The following NRXN1 variants were observed in gnomAD, a reference collection of about 807,000 sequenced individuals.
The protein encoded by NRXN1 is neurexin-1.
A neutral mutation model predicts 150.9 loss-of-function variants in NRXN1; 39 were observed. The observed-to-expected ratio is 0.26, with a 90% CI of 0.20 to 0.34. The LOEUF is 0.34. NRXN1 is among the 10% of genes least tolerant of loss of function. The probability of loss-of-function intolerance (pLI) is 1.00; values close to 1 mark genes in which losing one functional copy is unlikely to be tolerated. For missense variants in NRXN1, 1,815 were observed against 1,949.9 expected (o/e 0.93, Z 1.30); for synonymous variants, 924 against 757.0 (o/e 1.22, Z -3.62).
chr2:50,181,005 T>A (rs1013040933), intron 18 of NRXN1, among the ~76,000 whole-genome samples: 4 of 152,128 alleles, frequency 2.6e-5, no homozygotes, highest in African/African-American at 7.2e-5. Context: ...ATATTTGTGT[T>A]TTCCAATTTT....
chr2:50,608,068 G>A (rs976955414), intron 8 of NRXN1, among the ~76,000 whole-genome samples: 7 of 151,566 alleles, frequency 4.6e-5, no homozygotes, highest in Non-Finnish European at 1.0e-4. Flanking sequence ...GAGCTTCTGT[G>A]GGATCTTGAC....
chr2:50,612,925 G>T (rs1345846763), intron 8 of NRXN1, among the ~76,000 whole-genome samples: 1 of 152,126 alleles, frequency 6.6e-6, no homozygotes, highest in Non-Finnish European at 1.5e-5. Context: ...GGAGGCAAGG[G>T]TAATCGACCT....
At chr2:50,456,976 C>T (rs748777431) in intron 17 of NRXN1, among the ~76,000 whole-genome samples, 1 of 152,096 alleles carries the variant, frequency 6.6e-6, no homozygotes, top group Admixed American at 6.6e-5. Flanking sequence ...TCCCACTATA[C>T]AGATTGTGAA....
At chr2:50,058,272 T>G (rs1437738421) in intron 19 of NRXN1, among the ~76,000 whole-genome samples, 1 of 152,140 alleles carries the variant, frequency 6.6e-6, no homozygotes, top group South Asian at 2.1e-4. Flanking sequence ...ATAAAACAAT[T>G]TAGAAAATCG....
intron 5 of NRXN1, among the ~76,000 whole-genome samples, chr2:50,641,399 A>G (rs1040701701): frequency 7.9e-5 from 12 of 152,234 alleles, no homozygotes; most frequent in Middle Eastern, 3.4e-3. Flanking sequence ...CAGGTGGGTC[A>G]AGATTGAATG....
chr2:50,583,766 T>C (rs1382785333), intron 8 of NRXN1, among the ~76,000 whole-genome samples: 3 of 152,198 alleles, frequency 2.0e-5, no homozygotes, highest in Non-Finnish European at 4.4e-5. Flanking sequence ...CGACCAGATG[T>C]CCTAGCCCTC....
intron 8 of NRXN1, among the ~76,000 whole-genome samples, chr2:50,613,894 T>C (rs1678601386): frequency 1.3e-5 from 2 of 152,126 alleles, no homozygotes; most frequent in Admixed American, 1.3e-4. Context: ...GCCAAGATCA[T>C]GCCACTGCAC....
intron 18 of NRXN1, among the ~76,000 whole-genome samples, chr2:50,134,468 A>T (rs1409702599): frequency 6.6e-6 from 1 of 152,176 alleles, no homozygotes. Context: ...GCATAAATGC[A>T]AACCATTAAC....
intron 18 of NRXN1, among the ~76,000 whole-genome samples, chr2:50,153,309 G>C (rs1386954305): frequency 2.6e-4 from 39 of 150,360 alleles, no homozygotes; most frequent in Admixed American, 2.6e-3. Context: ...TGTCTAGTAA[G>C]TTTGCCATCT....
intron 5 of NRXN1, among the ~76,000 whole-genome samples, chr2:50,773,762 T>C (rs1703282462): frequency 6.6e-6 from 1 of 152,106 alleles, no homozygotes; most frequent in Non-Finnish European, 1.5e-5. Context: ...TCCAGGCCAT[T>C]TGTTCTAAAC....
At chr2:49,964,391 C>T (rs963822243) in intron 21 of NRXN1, among the ~76,000 whole-genome samples, 2 of 149,550 alleles carry the variant, frequency 1.3e-5, no homozygotes, top group Non-Finnish European at 3.0e-5. Flanking sequence ...ACCAGACTGG[C>T]AACATGGTGA....
intron 21 of NRXN1, among the ~76,000 whole-genome samples, chr2:49,969,122 A>G (rs1677486053): frequency 1.3e-5 from 2 of 152,120 alleles, no homozygotes; most frequent in African/African-American, 4.8e-5. Context: ...TCCCCGGCCA[A>G]ATTTTTGGCT....
At chr2:50,713,562 G>C (rs747452560) in intron 5 of NRXN1, among the ~76,000 whole-genome samples, 1 of 151,954 alleles carries the variant, frequency 6.6e-6, no homozygotes, top group Non-Finnish European at 1.5e-5. Flanking sequence ...CATGGAGAGA[G>C]AAAAAAATAA....
At chr2:50,520,065 T>C (rs1479810476) in intron 12 of NRXN1, among the ~76,000 whole-genome samples, 1 of 151,988 alleles carries the variant, frequency 6.6e-6, no homozygotes, top group Non-Finnish European at 1.5e-5. Flanking sequence ...GCACATATTA[T>C]ACCATGTGTT....
chr2:50,031,681 A>G (rs1177812435), intron 21 of NRXN1, among the ~76,000 whole-genome samples: 2 of 152,102 alleles, frequency 1.3e-5, no homozygotes, highest in Non-Finnish European at 2.9e-5. Context: ...GAGAAATGCA[A>G]TTTGTCTCAT....
chr2:50,383,622 T>A (rs2081122695), intron 17 of NRXN1, among the ~76,000 whole-genome samples: 1 of 152,164 alleles, frequency 6.6e-6, no homozygotes, highest in African/African-American at 2.4e-5. Flanking sequence ...TTTATTTTCT[T>A]CTCAGAAAGA....
chr2:50,779,298 G>T (rs546826187), intron 5 of NRXN1, among the ~76,000 whole-genome samples: 1 of 152,168 alleles, frequency 6.6e-6, no homozygotes, highest in Non-Finnish European at 1.5e-5. Context: ...GTGTTAGTTT[G>T]CTGAGAATGA....
At chr2:50,628,859 A>G (rs546416887) in intron 5 of NRXN1, among the ~76,000 whole-genome samples, 138 of 151,858 alleles carry the variant, frequency 9.1e-4, no homozygotes, top group African/African-American at 3.0e-3. Context: ...AGCCAATGGG[A>G]AAAAAATGAT....
At chr2:50,063,842 A>T (rs1432759221) in intron 19 of NRXN1, among the ~76,000 whole-genome samples, 4 of 152,196 alleles carry the variant, frequency 2.6e-5, no homozygotes, top group Non-Finnish European at 5.9e-5. Context: ...TATGTATAAC[A>T]CAATGGTGAG....
Sources: gnomAD v4.1 joint callset for allele counts (sites outside exome capture counted in the v4.1 genomes callset) on GRCh38, gnomAD v4.1.1 for gene constraint, MANE v1.5 for transcripts, NCBI Gene and HGNC (gene_info 2026-07-23, HGNC 2026-07-21) for gene names.